The following COLEC11 variants were observed in gnomAD, a reference collection of about 807,000 sequenced individuals.
The protein encoded by COLEC11 is collectin subfamily member 11, also known as collectin-11.
In COLEC11, 20 loss-of-function variants were observed where a neutral mutation model predicts 27.3. That is an observed-to-expected ratio of 0.73 (90% CI 0.51 to 1.06). The LOEUF is 1.06. Ranked by LOEUF, COLEC11 falls within the 50% of genes least tolerant of loss-of-function variation. The pLI, the probability that COLEC11 is intolerant of heterozygous loss-of-function variation, is 0.00. For synonymous variants in COLEC11, 163 were observed against 154.7 expected, an observed-to-expected ratio of 1.05 and a Z score of -0.40; for missense variants, 310 against 383.0, an observed-to-expected ratio of 0.81 and a Z score of 1.59.
intron 3 of COLEC11, chr2:3,626,207 A>C: frequency 1.1e-6 from 1 of 906,368 alleles, no homozygotes. Flanking sequence ...CAGAAGCCCC[A>C]TTTCTAGATG....
intron 3 of COLEC11, among the ~76,000 whole-genome samples, chr2:3,613,589 G>A (rs1360250288): frequency 1.3e-5 from 2 of 152,140 alleles, no homozygotes; most frequent in African/African-American, 4.8e-5. Context: ...GACCTGTGGG[G>A]CTCTAGGAAA....
intron 3 of COLEC11, among the ~76,000 whole-genome samples, chr2:3,620,758 G>T (rs1405222937): frequency 1.3e-5 from 2 of 151,930 alleles, no homozygotes; most frequent in African/African-American, 4.8e-5. Flanking sequence ...ATTTTCATTT[G>T]TTTCAAGATA....
At chr2:3,624,061 G>A (rs1252498661) in intron 3 of COLEC11, among the ~76,000 whole-genome samples, 1 of 152,194 alleles carries the variant, frequency 6.6e-6, no homozygotes, top group African/African-American at 2.4e-5. Flanking sequence ...TTCTCTTGGA[G>A]AGGGGTGAAT....
In COLEC11 at chr2:3,605,978, A is replaced by G. The variant is rs998877399; in HGVS notation, c.130+1508A>G. 25 of 1,347,174 alleles carry G rather than the reference A, an allele frequency of 1.9e-5. No homozygotes were observed. The Admixed American group carries it at 2.5e-4, about 13-fold the overall frequency. 83.5% of individuals were successfully genotyped at this position (1,347,174 alleles called of 1,614,324 possible). On this transcript the variant is annotated intron_variant, in intron 2 of 6. Coordinates refer to ENST00000349077, the MANE Select transcript of COLEC11 (RefSeq NM_024027.5). Reference sequence around the variant, plus strand: ...AGTGGCCTTTGTGCTTTTAATTGTGATAAATGTACCTGCTTTAGAAAATGT... The same window carrying G: ...AGTGGCCTTTGTGCTTTTAATTGTGGTAAATGTACCTGCTTTAGAAAATGT...
rs745954101 is a variant in COLEC11, at chr2:3,644,005, A to G, written c.703A>G (p.Asn235Asp). The G allele has an allele frequency of 3.1e-6, 5 of 1,613,938 alleles. No homozygotes were observed. The highest frequency in any genetic ancestry group is 1.7e-5 in the Admixed American group (1 of 60,016). Residue 235 changes from asparagine to aspartate, a missense_variant, in exon 7 of 7, where the codon AAT (asparagine) becomes GAT (aspartate). Asn to Asp is a conservative substitution (Grantham distance 23). Coordinates refer to ENST00000349077, the MANE Select transcript of COLEC11 (RefSeq NM_024027.5). ...CAAGTGGCGCAGCGGTGAGCCCAACAATGCCTACGACGAGGAGGACTGCGT... is the reference window on the plus strand; with the variant it reads ...CAAGTGGCGCAGCGGTGAGCCCAACGATGCCTACGACGAGGAGGACTGCGT... Reference protein sequence around the residue: ...FNKWRSGEPNNAYDEEDCVEM... With the variant: ...FNKWRSGEPNDAYDEEDCVEM...
chr2:3,636,340 A>T (rs1665415233), intron 3 of COLEC11, among the ~76,000 whole-genome samples: 1 of 152,226 alleles, frequency 6.6e-6, no homozygotes, highest in Non-Finnish European at 1.5e-5. Context: ...CTGTAGTCCC[A>T]GCTACTCGGG....
intron 3 of COLEC11, among the ~76,000 whole-genome samples, chr2:3,630,936 T>A (rs1271680112): frequency 6.6e-6 from 1 of 152,162 alleles, no homozygotes; most frequent in East Asian, 1.9e-4. Flanking sequence ...TAAAGCCACG[T>A]TTCGTCTTCT....
chr2:3,616,773 TGGGGAGAGGGAGAGGGAGACC>T (rs1304352347), intron 3 of COLEC11, among the ~76,000 whole-genome samples: 1 of 142,288 alleles, frequency 7.0e-6, no homozygotes, highest in African/African-American at 3.0e-5. Context: ...AGGGAGACCG[TGGGGAGAGGGAGAGGGAGACC>T]GTGGGGAGAG....
intron 2 of COLEC11, 57 bp downstream of exon 2, chr2:3,604,527 A>G (rs1305146489): frequency 8.8e-6 from 14 of 1,583,946 alleles, no homozygotes; most frequent in Admixed American, 1.7e-5. Flanking sequence ...CAGCTGAGAG[A>G]CTCCCATGCA....
At chr2:3,625,872 A>T in intron 3 of COLEC11, 1 of 741,648 alleles carries the variant, frequency 1.3e-6, no homozygotes, top group Non-Finnish European at 2.4e-6. Flanking sequence ...ACCTCAAGAG[A>T]TCCGCCTACC....
In COLEC11 at chr2:3,641,573, G is replaced by A. The variant is rs1665874776; in HGVS notation, c.328+1242G>A. On this transcript the variant is annotated intron_variant, in intron 5 of 6. Coordinates refer to ENST00000349077, the MANE Select transcript of COLEC11 (RefSeq NM_024027.5). ...CCCCTGACAGGGATCTCTCCAGAAAGCCTCTATTACCTCAAACCTCAGCCA... is the reference window on the plus strand; with the variant it reads ...CCCCTGACAGGGATCTCTCCAGAAAACCTCTATTACCTCAAACCTCAGCCA... 6 of 457,110 alleles carry A rather than the reference G, an allele frequency of 1.3e-5. 1 individual carries two copies. Among genetic ancestry groups the A allele is most frequent in the South Asian group, 1.2e-4 (5 of 41,310 alleles). The allele number at this position is 457,110 out of a possible 1,614,324, so 28.3% of individuals were successfully genotyped here. A position where few individuals can be genotyped will look rare whatever the true frequency, so the allele number is the denominator to read the frequency against.
intron 4 of COLEC11, among the ~76,000 whole-genome samples, chr2:3,638,314 C>G (rs1370545066): frequency 6.6e-6 from 1 of 152,198 alleles, no homozygotes; most frequent in Non-Finnish European, 1.5e-5. Flanking sequence ...CAGGTCTATG[C>G]TGGGCTCTGG....
intron 5 of COLEC11, among the ~76,000 whole-genome samples, chr2:3,642,305 C>T (rs1239412306): frequency 3.3e-5 from 5 of 152,186 alleles, no homozygotes; most frequent in African/African-American, 7.2e-5. Flanking sequence ...GGGATAGGAG[C>T]AGCACGCGTG....
At chr2:3,598,606 C>T (rs1662018059) in intron 1 of COLEC11, among the ~76,000 whole-genome samples, 1 of 152,164 alleles carries the variant, frequency 6.6e-6, no homozygotes, top group Non-Finnish European at 1.5e-5. Context: ...CCTGGGTTTC[C>T]GCTTTTCGGT....
At chr2:3,605,309 C>CG (rs532710060) in intron 2 of COLEC11, among the ~76,000 whole-genome samples, 1 of 30,750 alleles carries the variant, frequency 3.3e-5, no homozygotes. Context: ...GAGGAGGGGG[C>CG]GGGGGAGTCA....
At chr2:3,631,643 A>G (rs1367128070) in intron 3 of COLEC11, among the ~76,000 whole-genome samples, 1 of 151,784 alleles carries the variant, frequency 6.6e-6, no homozygotes, top group African/African-American at 2.4e-5. Flanking sequence ...CCAGCCGGGT[A>G]TGCTTGGTCA....
intron 3 of COLEC11, among the ~76,000 whole-genome samples, chr2:3,625,181 T>G (rs1664454365): frequency 6.6e-6 from 1 of 152,198 alleles, no homozygotes; most frequent in African/African-American, 2.4e-5. Context: ...CCCTCCCTCC[T>G]TTCTTCCTTC....
chr2:3,606,240 C>T (rs1401801760), intron 2 of COLEC11: 1 of 1,550,210 alleles, frequency 6.5e-7, no homozygotes, highest in Non-Finnish European at 8.7e-7. Context: ...CTGCGCCCTG[C>T]CAGGTCAGTA....
At chr2:3,609,352 ATTTTTT>A (rs567474674) in intron 2 of COLEC11, among the ~76,000 whole-genome samples, 206 of 87,308 alleles carry the variant, frequency 2.4e-3, no homozygotes, top group African/African-American at 0.012. Flanking sequence ...TTTTTCTTTG[ATTTTTT>A]TTTTTTTTTT....
Sources: allele counts gnomAD v4.1 joint callset (sites outside exome capture counted in the v4.1 genomes callset), GRCh38; gene constraint gnomAD v4.1.1; transcripts MANE v1.5; gene names NCBI Gene and HGNC (gene_info 2026-07-23, HGNC 2026-07-21).